The following CACNB4 variants were observed in gnomAD, a reference collection of about 807,000 sequenced individuals.
The protein encoded by CACNB4 is voltage-dependent L-type calcium channel subunit beta-4.
Under a neutral mutation model 71.2 loss-of-function variants are expected in CACNB4, and 32 were observed. That is an observed-to-expected ratio of 0.45 (90% CI 0.34 to 0.60). CACNB4 has a LOEUF of 0.60. CACNB4 is among the 20% of genes least tolerant of loss of function. CACNB4 has a pLI of 0.01. For synonymous variants in CACNB4, 231 were observed against 236.9 expected (o/e 0.97, Z 0.23); for missense variants, 464 against 647.9 (o/e 0.72, Z 3.08).
intron 2 of CACNB4, among the ~76,000 whole-genome samples, chr2:151,937,800 G>C (rs2099863295): frequency 6.6e-6 from 1 of 152,096 alleles, no homozygotes; most frequent in African/African-American, 2.4e-5. Context: ...ACTTCTAATT[G>C]GCACACATGA....
chr2:151,956,164 C>T (rs73001846), intron 2 of CACNB4, among the ~76,000 whole-genome samples: 2,519 of 152,244 alleles, frequency 0.017, 80 homozygotes, highest in African/African-American at 0.058. Flanking sequence ...TTGTAGTATA[C>T]ATCAAATTAT....
intron 11 of CACNB4, chr2:151,854,511 G>C (rs2099839779): frequency 6.6e-6 from 1 of 152,200 alleles, no homozygotes; most frequent in Non-Finnish European, 1.5e-5. Flanking sequence ...AATACACTAG[G>C]AGGCACAGAG....
intron 2 of CACNB4, among the ~76,000 whole-genome samples, chr2:152,027,239 C>T (rs879608947): frequency 2.0e-5 from 3 of 152,194 alleles, no homozygotes; most frequent in Non-Finnish European, 4.4e-5. Flanking sequence ...CTTCTGTTGG[C>T]TTTCAGGCAC....
intron 2 of CACNB4, chr2:151,970,038 T>C (rs1209533931): frequency 6.6e-6 from 1 of 152,134 alleles, no homozygotes; most frequent in Non-Finnish European, 1.5e-5. Flanking sequence ...ATGGAAGCAA[T>C]TGTGTCAGAG....
chr2:151,986,402 G>A (rs1267803768), intron 2 of CACNB4, among the ~76,000 whole-genome samples: 1 of 152,160 alleles, frequency 6.6e-6, no homozygotes, highest in Non-Finnish European at 1.5e-5. Context: ...ATGGGTCAGT[G>A]ATAAGTGTTC....
rs184246858 is a variant in CACNB4 at position 152,096,193 on chromosome 2, A to C, written c.147+2137T>G. On this transcript the variant is annotated intron_variant, in intron 2 of 13. Coordinates refer to ENST00000539935, the MANE Select transcript of CACNB4 (RefSeq NM_000726.5). Reference sequence around the variant, plus strand: ...CAGTGAGTTGTAAAGTGCTCATAAAAATTAAGTAGCCCGGGCATGGTGGCT... The same window carrying C: ...CAGTGAGTTGTAAAGTGCTCATAAACATTAAGTAGCCCGGGCATGGTGGCT... Among the ~76,000 whole-genome samples, 473 of 152,240 alleles carry C rather than the reference A, an allele frequency of 3.1e-3. 2 individuals are homozygous for C. Among genetic ancestry groups the C allele is most frequent in the African/African-American group, 0.011 (458 of 41,540 alleles).
intron 4 of CACNB4, among the ~76,000 whole-genome samples, chr2:151,877,851 AG>A (rs1228229309): frequency 6.6e-6 from 1 of 152,224 alleles, no homozygotes; most frequent in Non-Finnish European, 1.5e-5. Context: ...GTGTGGGGTG[AG>A]AGTCTGTCAA....
At chr2:151,883,185 G>A in intron 3 of CACNB4, 66 bp downstream of exon 3, 2 of 1,526,964 alleles carry the variant, frequency 1.3e-6, no homozygotes, top group Non-Finnish European at 1.8e-6. Flanking sequence ...TGAGGTAAGG[G>A]AAGAGCAGCT....
At chr2:152,056,360 CAAA>C (rs138908104) in intron 2 of CACNB4, among the ~76,000 whole-genome samples, 4 of 96,208 alleles carry the variant, frequency 4.2e-5, no homozygotes, top group African/African-American at 7.5e-5. Flanking sequence ...GACTCTGTCT[CAAA>C]AAAAAAAAAA....
intron 2 of CACNB4, chr2:151,972,978 TGATTTCAGG>T (rs967258353): frequency 1.3e-5 from 2 of 152,238 alleles, no homozygotes; most frequent in Non-Finnish European, 2.9e-5. Flanking sequence ...CTCTATGGTA[TGATTTCAGG>T]GATTTCAGGA....
At chr2:152,045,326 G>C (rs976548544) in intron 2 of CACNB4, among the ~76,000 whole-genome samples, 1 of 152,184 alleles carries the variant, frequency 6.6e-6, no homozygotes, top group African/African-American at 2.4e-5. Flanking sequence ...ACATACAACA[G>C]AATATTATCT....
chr2:152,035,620 C>T (rs1022147041), intron 2 of CACNB4, among the ~76,000 whole-genome samples: 673 of 46,644 alleles, frequency 0.014, no homozygotes, highest in South Asian at 0.03. Context: ...TCTCTCTCTC[C>T]CTCCCTCTCC....
chr2:151,967,897 G>T (rs2099871574), intron 2 of CACNB4: 1 of 152,112 alleles, frequency 6.6e-6, no homozygotes, highest in Admixed American at 6.5e-5. Flanking sequence ...CATTTAAAAA[G>T]AGAGGAAAAT....
At chr2:151,943,752 T>C (rs997562672) in intron 2 of CACNB4, among the ~76,000 whole-genome samples, 5 of 152,216 alleles carry the variant, frequency 3.3e-5, no homozygotes, top group African/African-American at 1.2e-4. Context: ...GATGATCATT[T>C]GAAGAAACTG....
At chr2:151,969,502 G>T (rs959660568) in intron 2 of CACNB4, 1 of 152,068 alleles carries the variant, frequency 6.6e-6, no homozygotes, top group Admixed American at 6.5e-5. Flanking sequence ...ACTCTCTTGG[G>T]TATCTTTGTT....
At chr2:152,023,021 C>A (rs1560139947) in intron 2 of CACNB4, among the ~76,000 whole-genome samples, 1 of 151,742 alleles carries the variant, frequency 6.6e-6, no homozygotes, top group Non-Finnish European at 1.5e-5. Flanking sequence ...CACAGTTCTG[C>A]AAGACTGGGA....
chr2:151,853,529 C>T lies in CACNB4; in HGVS notation c.1035G>A (p.Leu345=). ...TTTGTGACTTTCCTCTAGATTTAAT[C>T]AACCGCTGTAAAACCTGATAGAAGA... ...KVSSPKVLQR[L]IKSRGKSQSK... Residue 345 remains leucine, a synonymous_variant, in exon 12 of 14, where the codon TTG becomes TTA. Coordinates refer to ENST00000539935, the MANE Select transcript of CACNB4 (RefSeq NM_000726.5). 6.3e-7 allele frequency: 1 copy of T among 1,589,774 alleles called. No homozygotes were observed. Among genetic ancestry groups the T allele is most frequent in the Non-Finnish European group, 8.6e-7 (1 of 1,167,270 alleles).
At chr2:152,001,718 GAA>G (rs70974817) in intron 2 of CACNB4, among the ~76,000 whole-genome samples, 74 of 127,830 alleles carry the variant, frequency 5.8e-4, no homozygotes, top group East Asian at 1.3e-3. Context: ...TGTCTCGAAA[GAA>G]AAAAAAAAAA....
intron 2 of CACNB4, chr2:151,970,292 T>C (rs2099872175): frequency 6.6e-6 from 1 of 152,286 alleles, no homozygotes. Flanking sequence ...TATTTACATA[T>C]ATGTGGATTG....
Sources: gnomAD v4.1 joint callset for allele counts (sites outside exome capture counted in the v4.1 genomes callset) on GRCh38, gnomAD v4.1.1 for gene constraint, MANE v1.5 for transcripts, NCBI Gene and HGNC (gene_info 2026-07-23, HGNC 2026-07-21) for gene names.